Variants in SLC35B1 observed in about 807,000 individuals in gnomAD.
The protein encoded by SLC35B1 is solute carrier family 35 member B1, also known as ATP/ADP exchanger ER.
Under a neutral mutation model 36.6 loss-of-function variants are expected in SLC35B1, and 27 were observed. That is an observed-to-expected ratio of 0.74 (90% CI 0.54 to 1.02). The LOEUF is 1.02. Ranked by LOEUF, SLC35B1 falls within the 50% of genes least tolerant of loss-of-function variation. The pLI is 0.00. For missense variants in SLC35B1, 321 were observed against 383.2 expected, an observed-to-expected ratio of 0.84 and a Z score of 1.35; for synonymous variants, 162 against 152.5, an observed-to-expected ratio of 1.06 and a Z score of -0.46.
At position 49,703,140 on chromosome 17, in the gene SLC35B1, C is replaced by T. The variant is rs16948334; in HGVS notation, c.762+48G>A. The T allele has an allele frequency of 3.2e-4, 514 of 1,584,092 alleles. 3 individuals are homozygous for T. The African/African-American group carries it at 6.2e-3, about 19-fold the overall frequency. ...AGCCAGGCCAGTCTTTCTTAGGGAA[C>T]CAGCTGCCAGAGTAGGGAAGCCAAG... On this transcript the variant is annotated intron_variant, in intron 7 of 8. Transcript: ENST00000240333.
chr17:49,702,689 C>T lies in SLC35B1; in HGVS notation c.916+169G>A, dbSNP rs953110621. On this transcript the variant is annotated intron_variant, in intron 8 of 8. Transcript: ENST00000240333. ...GGAGGAGGCTCACCCGATTGGTGAG[C>T]TGAGATCGTACCACTGCACTCACTC... 1.8e-5 allele frequency: 12 copies of T among 653,780 alleles called. 1 individual carries two copies. Among genetic ancestry groups the T allele is most frequent in the African/African-American group, 1.3e-4 (7 of 54,898 alleles). 40.5% of individuals were successfully genotyped at this position (653,780 alleles called of 1,614,324 possible).
intron 8 of SLC35B1, chr17:49,701,745 T>C: frequency 4.4e-6 from 2 of 457,038 alleles, no homozygotes; most frequent in South Asian, 2.8e-5. Flanking sequence ...TACAGATAGA[T>C]ATAGATACAT....
Position 49,701,345 on chromosome 17 carries a change from T to C in SLC35B1, c.*113A>G. The C allele has an allele frequency of 1.3e-6, 1 of 798,062 alleles. No homozygotes were observed. The highest frequency in any genetic ancestry group is 2.1e-6 in the Non-Finnish European group (1 of 480,492). The allele number at this position is 798,062 out of a possible 1,614,324, so 49.4% of individuals were successfully genotyped here. A position where few individuals can be genotyped will look rare whatever the true frequency, so the allele number is the denominator to read the frequency against. On this transcript the variant is annotated 3_prime_UTR_variant, in exon 9 of 9. Transcript: ENST00000240333. ...GTGATTTTGCTTGATTTTATTTTAT[T>C]AAAAAAGACTGGAACTCAGTCCCAT...
At position 49,704,105 on chromosome 17, in the gene SLC35B1, C is replaced by T; in HGVS notation, c.650G>A (p.Gly217Glu). Residue 217 changes from glycine to glutamate, a missense_variant, in exon 6 of 9, where the codon GGA (glycine) becomes GAA (glutamate). Transcript: ENST00000240333. ...NINLWSTLLL[G>E]MGILFTGELW... ...ACAGCAGAACTGGCTCTCACCCATTCCCAGCAGCAATGTCGACCAAAGGTT... is the reference window on the plus strand; with the variant it reads ...ACAGCAGAACTGGCTCTCACCCATTTCCAGCAGCAATGTCGACCAAAGGTT... 6.2e-7 allele frequency: 1 copy of T among 1,614,104 alleles called. No homozygotes were observed. Among genetic ancestry groups the T allele is most frequent in the Non-Finnish European group, 8.5e-7 (1 of 1,179,974 alleles).
intron 1 of SLC35B1, 79 bp downstream of exon 1, chr17:49,707,651 C>T: frequency 1.3e-6 from 2 of 1,522,814 alleles, no homozygotes; most frequent in Non-Finnish European, 1.8e-6. Flanking sequence ...AGAGGAAAGC[C>T]CGGGTCCAGA....
At position 49,706,328 on chromosome 17, in the gene SLC35B1, T is replaced by C. The variant is rs1598011815; in HGVS notation, c.215A>G (p.Gln72Arg). Residue 72 changes from glutamine to arginine, a missense_variant, in exon 3 of 9, where the codon CAG (glutamine) becomes CGG (arginine). Coordinates refer to ENST00000240333, the MANE Select transcript of SLC35B1 (RefSeq NM_005827.4). ...ATCCACCCTGGCAGTGTCAAAAAACTGGATCACTGGGAGAAGACAAAAAAA... is the reference window on the plus strand; with the variant it reads ...ATCCACCCTGGCAGTGTCAAAAAACCGGATCACTGGGAGAAGACAAAAAAA... ...INAVFAKILIQFFDTARVDRT... is the reference protein window; with the variant it reads ...INAVFAKILIRFFDTARVDRT... 2.7e-6 allele frequency: 2 copies of C among 747,278 alleles called. No homozygotes were observed. Among genetic ancestry groups the C allele is most frequent in the East Asian group, 1.3e-4 (2 of 15,556 alleles). 46.3% of individuals were successfully genotyped at this position (747,278 alleles called of 1,614,324 possible).
At chr17:49,701,718 A>C in intron 8 of SLC35B1, 1 of 510,164 alleles carries the variant, frequency 2.0e-6, no homozygotes, top group Non-Finnish European at 3.5e-6. Flanking sequence ...ATCTATATAA[A>C]TATATCTATA....
intron 8 of SLC35B1, chr17:49,702,357 G>C (rs2073361287): frequency 6.5e-6 from 1 of 154,154 alleles, no homozygotes; most frequent in Non-Finnish European, 1.4e-5. Flanking sequence ...CTAAACTCAA[G>C]CGATACTCCT....
chr17:49,706,378 A>G lies in SLC35B1; in HGVS notation c.209-44T>C. 2.9e-6 allele frequency: 4 copies of G among 1,370,562 alleles called. No individual in the cohort carries two copies. The African/African-American group carries it at 6.1e-5, about 21-fold the overall frequency. The allele number at this position is 1,370,562 out of a possible 1,614,324, so 84.9% of individuals were successfully genotyped here. On this transcript the variant is annotated intron_variant, in intron 2 of 8. Transcript: ENST00000240333. ...AAAAAAAAAAAAAGAAAAGAAAAGA[A>G]AAAAAAAAAAAAACAAGAGAAACCT...
At chr17:49,706,399 A>C in intron 2 of SLC35B1, 65 bp from the exon 3 acceptor site, 9 of 1,386,756 alleles carry the variant, frequency 6.5e-6, no homozygotes, top group East Asian at 2.6e-5. Flanking sequence ...AAACAAGAGA[A>C]ACCTGGTGGG....
intron 8 of SLC35B1, 180 bp downstream of exon 8, chr17:49,702,678 C>T (rs1410085832): frequency 3.4e-5 from 20 of 595,794 alleles, no homozygotes; most frequent in Non-Finnish European, 4.8e-5. Context: ...GAGGCTCACC[C>T]GATTGGTGAG....
At chr17:49,701,926 C>CAAAAAA in intron 8 of SLC35B1, 15 of 254,562 alleles carry the variant, frequency 5.9e-5, no homozygotes, top group South Asian at 1.4e-4. Context: ...CCCATCGCTA[C>CAAAAAA]AAAAAAAAAA....
At position 49,705,224 on chromosome 17, in the gene SLC35B1, C is replaced by T. The variant is rs767521247; in HGVS notation, c.428G>A (p.Cys143Tyr). 1 of 1,614,204 alleles carries T rather than the reference C, an allele frequency of 6.2e-7. No homozygotes were observed. The highest frequency in any genetic ancestry group is 2.2e-5 in the East Asian group (1 of 44,886). ...KKKYPLAKYL[C>Y]VLLIVAGVAL... ...CACTCCAGCCACAATTAACAGCACA[C>T]ACAGGTACTTGGCCAACGGGTACTT... The change falls in exon 5 of 9, where the codon TGT becomes TAT. Residue 143 changes from cysteine (C) to tyrosine (Y), a missense_variant. Physicochemically the swap from Cys to Tyr is radical, Grantham distance 194. Coordinates refer to ENST00000240333, the MANE Select transcript of SLC35B1 (RefSeq NM_005827.4).
chr17:49,702,697 G>C (rs1007222798), intron 8 of SLC35B1, 161 bp downstream of exon 8: 3 of 690,394 alleles, frequency 4.3e-6, no homozygotes, highest in Non-Finnish European at 7.0e-6. Context: ...AGCTGAGATC[G>C]TACCACTGCA....
chr17:49,705,970 T>C, intron 3 of SLC35B1, 74 bp from the exon 4 acceptor site: 1 of 1,474,844 alleles, frequency 6.8e-7, no homozygotes, highest in South Asian at 1.1e-5. Context: ...CCGCACTGAT[T>C]AAGATGAGTA....
intron 6 of SLC35B1, 134 bp downstream of exon 6, chr17:49,703,966 G>C (rs1485218197): frequency 1.7e-6 from 2 of 1,178,770 alleles, no homozygotes; most frequent in African/African-American, 3.0e-5. Context: ...GGTTTCTCAA[G>C]GGCTTGAACA....
At chr17:49,706,106 T>C in intron 3 of SLC35B1, 98 bp downstream of exon 3, 1 of 1,081,214 alleles carries the variant, frequency 9.2e-7, no homozygotes, top group Non-Finnish European at 1.2e-6. Context: ...CGTTATCTTT[T>C]TTTTTTTTTT....
chr17:49,703,197 G>A lies in SLC35B1; in HGVS notation c.753C>T (p.Ala251=). ...YNILLFGLTS[A]LGQSFIFMTV... is the part of the protein sequence containing the mutation. Reference sequence around the variant, plus strand: ...CCTTTCAAGCACTCACCTGACCCAGGGCACTGGTCAGCCCAAAGAGCAGGA... The same window carrying A: ...CCTTTCAAGCACTCACCTGACCCAGAGCACTGGTCAGCCCAAAGAGCAGGA... The change falls in exon 7 of 9, where the codon GCC becomes GCT. Residue 251 remains alanine (A), a synonymous_variant. Coordinates refer to ENST00000240333, the MANE Select transcript of SLC35B1 (RefSeq NM_005827.4). 6.2e-7 allele frequency: 1 copy of A among 1,613,092 alleles called. No individual in the cohort carries two copies. Among genetic ancestry groups the A allele is most frequent in the Non-Finnish European group, 8.5e-7 (1 of 1,179,118 alleles).
Position 49,701,317 on chromosome 17 carries a change from T to G in SLC35B1, c.*141A>C. The G allele has an allele frequency of 1.5e-6, 1 of 662,408 alleles. No individual in the cohort carries two copies. Among genetic ancestry groups the G allele is most frequent in the East Asian group, 2.7e-5 (1 of 36,898 alleles). The allele number at this position is 662,408 out of a possible 1,614,324, so 41.0% of individuals were successfully genotyped here. A position where few individuals can be genotyped will look rare whatever the true frequency, so the allele number is the denominator to read the frequency against. On this transcript the variant is annotated 3_prime_UTR_variant, in exon 9 of 9. Coordinates refer to ENST00000240333, the MANE Select transcript of SLC35B1 (RefSeq NM_005827.4). ...TAAAATCCAAGTGCATTTTTTAGAATATGTGATTTTGCTTGATTTTATTTT... is the reference window on the plus strand; with the variant it reads ...TAAAATCCAAGTGCATTTTTTAGAAGATGTGATTTTGCTTGATTTTATTTT...
Sources: allele counts gnomAD v4.1 joint callset, GRCh38; gene constraint gnomAD v4.1.1; transcripts MANE v1.5; gene names NCBI Gene and HGNC (gene_info 2026-07-23, HGNC 2026-07-21).